Variants in RAP1A observed in about 807,000 individuals in gnomAD.
RAP1A encodes the protein RAP1A, member of RAS oncogene family.
A neutral mutation model predicts 26.4 loss-of-function variants in RAP1A; 6 were observed. That is an observed-to-expected ratio of 0.23 (90% confidence interval 0.12 to 0.45). RAP1A has a LOEUF of 0.45. RAP1A is among the 20% of genes least tolerant of loss of function. The probability of loss-of-function intolerance (pLI) is 0.99; values close to 1 mark genes in which losing one functional copy is unlikely to be tolerated. For synonymous variants in RAP1A, 73 were observed against 79.4 expected (o/e 0.92, Z 0.43); for missense variants, 121 against 217.2 (o/e 0.56, Z 2.78).
chr1:111,715,325 C>CCCCCG lies in RAP1A; in HGVS notation c.*2926_*2927insCCGCC. The CCCCCG allele has an allele frequency of 6.6e-6, 1 of 151,230 alleles. No homozygotes were observed. The highest frequency in any genetic ancestry group is 2.4e-5 in the African/African-American group (1 of 40,962). 9.4% of individuals were successfully genotyped at this position (151,230 alleles called of 1,614,324 possible). On this transcript the variant is annotated 3_prime_UTR_variant, in exon 8 of 8. Coordinates refer to ENST00000369709, the MANE Select transcript of RAP1A (RefSeq NM_002884.4). ...ACTCCTGACTTCGTGATCCGCCCCC[C>CCCCCG]CCTCAGCCTCCCAAAGTGCTGGGAT...
At chr1:111,615,829 C>G (rs74554243), upstream of RAP1A, among the ~76,000 whole-genome samples, 1 of 86,226 alleles carries the variant, frequency 1.2e-5, no homozygotes. Flanking sequence ...GACTCTGTCT[C>G]AAAAAAAAAA....
chr1:111,664,575 C>T (rs983366188), intron 1 of RAP1A, among the ~76,000 whole-genome samples: 3 of 151,980 alleles, frequency 2.0e-5, no homozygotes, highest in Non-Finnish European at 4.4e-5. Flanking sequence ...TCTACCTACA[C>T]CCCCTTCCTC....
chr1:111,624,077 G>T (rs1004219494), intron 1 of RAP1A, among the ~76,000 whole-genome samples: 1 of 152,112 alleles, frequency 6.6e-6, no homozygotes, highest in Non-Finnish European at 1.5e-5. Flanking sequence ...GTGAATGTAA[G>T]TTTACTCGTT....
intron 1 of RAP1A, among the ~76,000 whole-genome samples, chr1:111,623,748 A>G (rs1659299179): frequency 6.6e-6 from 1 of 152,156 alleles, no homozygotes; most frequent in Non-Finnish European, 1.5e-5. Flanking sequence ...TTTATAGGGG[A>G]TGACGACACC....
Position 111,695,371 on chromosome 1 carries a change from GA to G in RAP1A, c.93del (p.Lys31AsnfsTer6). On this transcript the variant is annotated frameshift_variant, in exon 3 of 8. Transcript: ENST00000369709. LOFTEE classifies it high-confidence loss of function. The stretch of plus-strand genomic sequence containing the variant: ...TCAGTTTGTTCAGGGAATTTTTGTT[GA>G]AAAATATGACCCAACGATAGAAGAT... Reference protein sequence around the residue: ...TVQFVQGIFVEKYDPTIEDSY... With the variant: ...TVQFVQGIFVXKYDPTIEDSY... 1.9e-6 allele frequency: 3 copies of G among 1,566,480 alleles called. No homozygotes were observed. Among genetic ancestry groups the G allele is most frequent in the Admixed American group, 2.0e-5 (1 of 48,988 alleles).
At chr1:111,649,726 G>A (rs1350819381) in intron 1 of RAP1A, among the ~76,000 whole-genome samples, 1 of 152,174 alleles carries the variant, frequency 6.6e-6, no homozygotes. Flanking sequence ...AGAGAGGTTA[G>A]TATTTAAAGG....
intron 1 of RAP1A, among the ~76,000 whole-genome samples, chr1:111,689,976 T>G (rs534097977): frequency 2.0e-5 from 3 of 152,310 alleles, no homozygotes; most frequent in Non-Finnish European, 2.9e-5. Context: ...GCGCCCGGCC[T>G]CAGGTCACAT....
intron 1 of RAP1A, among the ~76,000 whole-genome samples, chr1:111,675,277 C>T (rs148681371): frequency 6.6e-6 from 1 of 151,942 alleles, no homozygotes; most frequent in African/African-American, 2.4e-5. Context: ...GTCAGGAGAT[C>T]GAGACCATCC....
At chr1:111,654,428 G>A (rs1318552392) in intron 1 of RAP1A, among the ~76,000 whole-genome samples, 2 of 152,156 alleles carry the variant, frequency 1.3e-5, no homozygotes, top group Non-Finnish European at 2.9e-5. Context: ...CCATATAATA[G>A]AGTGCTTAGG....
chr1:111,688,937 G>A (rs1451436466), intron 1 of RAP1A, among the ~76,000 whole-genome samples: 1 of 151,072 alleles, frequency 6.6e-6, no homozygotes, highest in East Asian at 2.0e-4. Context: ...CGAGCTCAAG[G>A]GGTTCTCCTA....
intron 1 of RAP1A, 131 bp downstream of exon 1, chr1:111,620,065 G>T (rs1387683848): frequency 2.5e-6 from 1 of 393,454 alleles, no homozygotes; most frequent in Non-Finnish European, 4.5e-6. Context: ...GCGTTCCATC[G>T]GTGTCGGGGC....
In RAP1A at chr1:111,716,010, T is replaced by C. The variant is rs1477430088; in HGVS notation, c.*3609T>C. On this transcript the variant is annotated 3_prime_UTR_variant, in exon 8 of 8. Coordinates refer to ENST00000369709, the MANE Select transcript of RAP1A (RefSeq NM_002884.4). ...GCAGAATGCTAGAAAACATAAAATA[T>C]ACTCTTATAAATTGTATGTGTGTTG... 6.6e-6 allele frequency: 1 copy of C among 152,242 alleles called. No individual in the cohort carries two copies. The highest frequency in any genetic ancestry group is 1.5e-5 in the Non-Finnish European group (1 of 68,040). 9.4% of individuals were successfully genotyped at this position (152,242 alleles called of 1,614,324 possible).
chr1:111,634,005 GCTTAA>G (rs1417308364), intron 1 of RAP1A, among the ~76,000 whole-genome samples: 1 of 152,126 alleles, frequency 6.6e-6, no homozygotes, highest in Non-Finnish European at 1.5e-5. Context: ...AGCTGACTCT[GCTTAA>G]CTTCTAGTGT....
chr1:111,614,876 G>A (rs1170517597), upstream of RAP1A, among the ~76,000 whole-genome samples: 2 of 152,116 alleles, frequency 1.3e-5, no homozygotes, highest in Admixed American at 1.3e-4. Flanking sequence ...ATTTAGTAAT[G>A]AGAATAAAAT....
At chr1:111,588,495 G>C (rs958067577) in intron 1 of RAP1A, among the ~76,000 whole-genome samples, 2 of 152,102 alleles carry the variant, frequency 1.3e-5, no homozygotes, top group East Asian at 3.8e-4. Flanking sequence ...GAACACACAA[G>C]ATCCCCCATG....
chr1:111,588,726 C>T (rs895297311), intron 1 of RAP1A, among the ~76,000 whole-genome samples: 3 of 152,190 alleles, frequency 2.0e-5, no homozygotes, highest in African/African-American at 7.2e-5. Flanking sequence ...CAATTGGGAG[C>T]CTCTCTTCCA....
chr1:111,648,674 G>T, intron 1 of RAP1A: 2 of 543,110 alleles, frequency 3.7e-6, no homozygotes, highest in East Asian at 4.2e-5. Flanking sequence ...TTAAGGACTG[G>T]ACTGTATGTC....
At chr1:111,700,641 C>CT (rs1251076180) in intron 4 of RAP1A, among the ~76,000 whole-genome samples, 1 of 152,148 alleles carries the variant, frequency 6.6e-6, no homozygotes, top group Non-Finnish European at 1.5e-5. Context: ...GCTCTTATAT[C>CT]TAACTGCCTC....
intron 1 of RAP1A, among the ~76,000 whole-genome samples, chr1:111,641,492 A>T (rs1314801574): frequency 6.6e-6 from 1 of 152,128 alleles, no homozygotes; most frequent in African/African-American, 2.4e-5. Context: ...GGGATGTGGG[A>T]GGAGAACGTT....
Sources: allele counts gnomAD v4.1 joint callset (sites outside exome capture counted in the v4.1 genomes callset), GRCh38; gene constraint gnomAD v4.1.1; transcripts MANE v1.5; gene names NCBI Gene and HGNC (gene_info 2026-07-23, HGNC 2026-07-21).